The following COMMD10 variants were observed in gnomAD, a reference collection of about 807,000 sequenced individuals.
COMMD10 encodes the protein COMM domain containing 10.
A neutral mutation model predicts 28.9 loss-of-function variants in COMMD10; 33 were observed. The observed-to-expected ratio is 1.14, with a 90% CI of 0.87 to 1.53. COMMD10 has a LOEUF of 1.53. Ranked by LOEUF, COMMD10 falls within the 40% of genes most tolerant of loss-of-function variation. The probability of loss-of-function intolerance (pLI) is 0.00; values close to 1 mark genes in which losing one functional copy is unlikely to be tolerated. For missense variants in COMMD10, 310 were observed against 233.4 expected, an observed-to-expected ratio of 1.33 and a Z score of -2.14; for synonymous variants, 110 against 81.7, an observed-to-expected ratio of 1.35 and a Z score of -1.87.
intron 5 of COMMD10, among the ~76,000 whole-genome samples, chr5:116,166,888 GA>G (rs531989557): frequency 1.8e-3 from 267 of 152,078 alleles, no homozygotes; most frequent in African/African-American, 6.1e-3. Flanking sequence ...TGAAGATGAG[GA>G]AAAAAACCAA....
At chr5:116,167,177 A>C (rs1753149684) in intron 5 of COMMD10, among the ~76,000 whole-genome samples, 1 of 152,036 alleles carries the variant, frequency 6.6e-6, no homozygotes, top group Non-Finnish European at 1.5e-5. Flanking sequence ...GAGCTGAAAA[A>C]CACAGCACAA....
At chr5:116,166,860 C>T (rs1368831875) in intron 5 of COMMD10, among the ~76,000 whole-genome samples, 2 of 152,026 alleles carry the variant, frequency 1.3e-5, no homozygotes, top group Non-Finnish European at 2.9e-5. Context: ...CATCAAAGAC[C>T]AAAGGTAGAT....
chr5:116,098,979 G>A (rs928358104), intron 4 of COMMD10, among the ~76,000 whole-genome samples: 2 of 152,156 alleles, frequency 1.3e-5, no homozygotes, highest in African/African-American at 2.4e-5. Flanking sequence ...GAGTGTGTGC[G>A]TGAGGACATT....
intron 5 of COMMD10, among the ~76,000 whole-genome samples, chr5:116,256,480 A>T (rs1385737417): frequency 6.6e-6 from 1 of 151,726 alleles, no homozygotes; most frequent in Non-Finnish European, 1.5e-5. Context: ...GACAGTTAAG[A>T]TCTGAAGAAT....
At chr5:116,127,707 A>G (rs914184993) in intron 4 of COMMD10, among the ~76,000 whole-genome samples, 2 of 152,178 alleles carry the variant, frequency 1.3e-5, no homozygotes, top group South Asian at 2.1e-4. Context: ...GTTCTCACTC[A>G]TAGGTGGGAG....
At chr5:116,216,893 T>A (rs555578368) in intron 5 of COMMD10, among the ~76,000 whole-genome samples, 15 of 152,172 alleles carry the variant, frequency 9.9e-5, no homozygotes, top group African/African-American at 3.4e-4. Flanking sequence ...AATTACAGTT[T>A]AGTTAACATT....
At chr5:116,090,978 A>G (rs890972136) in intron 2 of COMMD10, 101 bp from the exon 3 acceptor site, 2 of 608,866 alleles carry the variant, frequency 3.3e-6, no homozygotes, top group South Asian at 5.9e-5. Context: ...ATTTTTCTTT[A>G]AAGTTCTCAT....
intron 4 of COMMD10, among the ~76,000 whole-genome samples, chr5:116,097,962 A>AACACT (rs1364271139): frequency 6.6e-6 from 1 of 152,208 alleles, no homozygotes; most frequent in Non-Finnish European, 1.5e-5. Context: ...GCCCACCTCC[A>AACACT]ACACTGGAGA....
chr5:116,090,912 A>G (rs35979630), intron 2 of COMMD10, among the ~76,000 whole-genome samples, 167 bp from the exon 3 acceptor site: 177 of 152,350 alleles, frequency 1.2e-3, no homozygotes, highest in Middle Eastern at 3.4e-3. Flanking sequence ...AAGGTCTAGA[A>G]ATGAGCATCA....
chr5:116,089,046 C>A (rs1423281481), intron 2 of COMMD10, among the ~76,000 whole-genome samples: 1 of 152,132 alleles, frequency 6.6e-6, no homozygotes, highest in East Asian at 1.9e-4. Flanking sequence ...ATAATATATT[C>A]CTTTTTCTAA....
chr5:116,177,626 A>T (rs184462808), intron 5 of COMMD10, among the ~76,000 whole-genome samples: 2 of 151,450 alleles, frequency 1.3e-5, no homozygotes, highest in East Asian at 1.9e-4. Context: ...TCATCCTAGG[A>T]ACTTTCTGTA....
At chr5:116,279,736 C>T (rs182234382) in intron 5 of COMMD10, among the ~76,000 whole-genome samples, 94 of 151,908 alleles carry the variant, frequency 6.2e-4, no homozygotes, top group Non-Finnish European at 1.1e-3. Flanking sequence ...CTCACAGTGG[C>T]TGTGAAAATT....
At chr5:116,170,035 G>C (rs1040320210) in intron 5 of COMMD10, among the ~76,000 whole-genome samples, 2 of 152,156 alleles carry the variant, frequency 1.3e-5, no homozygotes, top group South Asian at 4.2e-4. Flanking sequence ...AATAGGAAGA[G>C]AGGAAGTAAA....
intron 4 of COMMD10, among the ~76,000 whole-genome samples, chr5:116,119,557 G>A (rs1179960210): frequency 6.6e-6 from 1 of 151,716 alleles, no homozygotes; most frequent in East Asian, 1.9e-4. Flanking sequence ...TGTTTTATAG[G>A]TTATATATTG....
intron 5 of COMMD10, among the ~76,000 whole-genome samples, chr5:116,153,040 C>G (rs967356326): frequency 5.3e-5 from 8 of 152,068 alleles, no homozygotes; most frequent in Non-Finnish European, 8.8e-5. Flanking sequence ...AAGACTGCTA[C>G]TACATAATAG....
intron 4 of COMMD10, among the ~76,000 whole-genome samples, chr5:116,107,353 T>C (rs989461818): frequency 6.6e-6 from 1 of 152,194 alleles, no homozygotes; most frequent in African/African-American, 2.4e-5. Flanking sequence ...TAGTCCCATA[T>C]TTCTTGGAGG....
intron 5 of COMMD10, among the ~76,000 whole-genome samples, chr5:116,191,816 T>A (rs913349348): frequency 7.9e-5 from 12 of 151,924 alleles, no homozygotes; most frequent in Non-Finnish European, 1.8e-4. Context: ...AAGCACCACC[T>A]CCTGGCAGGA....
intron 5 of COMMD10, among the ~76,000 whole-genome samples, chr5:116,234,964 A>G (rs1194114949): frequency 6.6e-6 from 1 of 152,178 alleles, no homozygotes; most frequent in Non-Finnish European, 1.5e-5. Flanking sequence ...GACACCTTTC[A>G]TTTTACGGAA....
chr5:116,187,736 A>T (rs1232095959), intron 5 of COMMD10, among the ~76,000 whole-genome samples: 2 of 149,772 alleles, frequency 1.3e-5, no homozygotes, highest in African/African-American at 4.8e-5. Context: ...TAGTATGGTA[A>T]TTAAATTCTT....
Sources: gnomAD v4.1 joint callset for allele counts (sites outside exome capture counted in the v4.1 genomes callset) on GRCh38, gnomAD v4.1.1 for gene constraint, MANE v1.5 for transcripts, NCBI Gene and HGNC (gene_info 2026-07-23, HGNC 2026-07-21) for gene names.